Variants in CBY2 observed in about 807,000 individuals in gnomAD.
CBY2 encodes the protein protein chibby homolog 2.
CBY2 carries 23 observed loss-of-function variants against 25.3 expected under a neutral mutation model. That is an observed-to-expected ratio of 0.91 (90% confidence interval 0.65 to 1.29). The LOEUF is 1.29. Ranked by LOEUF, CBY2 falls within the 50% of genes most tolerant of loss-of-function variation. CBY2 has a pLI of 0.00. For synonymous variants in CBY2, 279 were observed against 260.2 expected (o/e 1.07, Z -0.70); for missense variants, 642 against 590.7 (o/e 1.09, Z -0.90).
Position 45,713,209 on chromosome 13 carries a change from C to A in CBY2, c.184C>A (p.Leu62Ile), listed in dbSNP as rs1369204636. 1.9e-6 allele frequency: 3 copies of A among 1,613,004 alleles called. No individual in the cohort carries two copies. Among genetic ancestry groups the A allele is most frequent in the Middle Eastern group, 1.7e-4 (1 of 6,058 alleles). ...QRGTAEPFPR[L>I]HNLYSTPRCA... ...GGGCACAGCCGAACCCTTCCCGAGG[C>A]TCCACAACTTGTACAGCACCCCTCG... is the stretch of plus-strand genomic sequence containing the variant. Residue 62 changes from leucine to isoleucine, a missense_variant, in exon 3 of 3, where the codon CTC (leucine) becomes ATC (isoleucine). Transcript: ENST00000310521. The surrounding 1 kb of genome is among the most constrained non-coding windows in gnomAD (Gnocchi z 5.0).
Position 45,713,256 on chromosome 13 carries a change from GC to G in CBY2, c.235del (p.Arg79GlyfsTer2). On this transcript the variant is annotated frameshift_variant, in exon 3 of 3. Transcript: ENST00000310521. LOFTEE classifies it high-confidence loss of function. The surrounding 1 kb of genome is among the most constrained non-coding windows in gnomAD (Gnocchi z 5.0). ...TPRCAQQAAL[P>X]RLSRRMASQH... is the part of the protein sequence containing the mutation. ...CTCGCTGCGCGCAGCAGGCCGCCCT[GC>G]CCCGGCTGAGCCGCAGGATGGCGAG... is the stretch of plus-strand genomic sequence containing the variant. The G allele has an allele frequency of 1.2e-6, 2 of 1,613,802 alleles. No homozygotes were observed. Among genetic ancestry groups the G allele is most frequent in the Middle Eastern group, 1.6e-4 (1 of 6,062 alleles).
chr13:45,713,017 T>A lies in CBY2; in HGVS notation c.157-165T>A, dbSNP rs1266994945. Among the ~76,000 whole-genome samples, 3 of 152,194 alleles carry A rather than the reference T, an allele frequency of 2.0e-5. No homozygotes were observed. Among genetic ancestry groups the A allele is most frequent in the Non-Finnish European group, 4.4e-5 (3 of 68,032 alleles). On this transcript the variant is annotated intron_variant, in intron 2 of 2. Transcript: ENST00000310521. The surrounding 1 kb of genome is among the most constrained non-coding windows in gnomAD (Gnocchi z 5.0). ...ACAGAACTCACTGGAATGACAAGGA[T>A]AGGCCACATTTCCTTGTGAGGACCC...
At position 45,713,229 on chromosome 13, in the gene CBY2, C is replaced by T. The variant is rs199671311; in HGVS notation, c.204C>T (p.Thr68=). Residue 68 remains threonine, a synonymous_variant, in exon 3 of 3, where the codon ACC becomes ACT. Coordinates refer to ENST00000310521, the MANE Select transcript of CBY2 (RefSeq NM_152719.3). The surrounding 1 kb of genome is among the most constrained non-coding windows in gnomAD (Gnocchi z 5.0). ...CGAGGCTCCACAACTTGTACAGCACCCCTCGCTGCGCGCAGCAGGCCGCCC... is the reference window on the plus strand; with the variant it reads ...CGAGGCTCCACAACTTGTACAGCACTCCTCGCTGCGCGCAGCAGGCCGCCC... ...PFPRLHNLYS[T]PRCAQQAALP... is the part of the protein sequence containing the mutation. The T allele has an allele frequency of 1.2e-4, 194 of 1,613,566 alleles. No individual in the cohort carries two copies. Among genetic ancestry groups the T allele is most frequent in the Non-Finnish European group, 1.5e-4 (176 of 1,179,882 alleles).
intron 2 of CBY2, chr13:45,703,242 A>T: frequency 2.3e-6 from 3 of 1,282,604 alleles, no homozygotes; most frequent in Non-Finnish European, 3.0e-6. Context: ...ATAAGAATGA[A>T]TCCATGAGAA....
At position 45,713,857 on chromosome 13, in the gene CBY2, G is replaced by A; in HGVS notation, c.832G>A (p.Ala278Thr). ...WAQAEDTAAP[A>T]EESKPAPSPH... ...GCAGGCAGAGGACACGGCCGCCCCTGCCGAGGAAAGCAAGCCCGCCCCCTC... is the reference window on the plus strand; with the variant it reads ...GCAGGCAGAGGACACGGCCGCCCCTACCGAGGAAAGCAAGCCCGCCCCCTC... The change falls in exon 3 of 3, where the codon GCC becomes ACC. Residue 278 changes from alanine to threonine, a missense_variant. By Grantham distance (58) the Ala-to-Thr change is moderately conservative (BLOSUM62 0). Transcript: ENST00000310521. The surrounding 1 kb of genome is among the most constrained non-coding windows in gnomAD (Gnocchi z 5.0). 3 of 1,516,548 alleles carry A rather than the reference G, an allele frequency of 2.0e-6. No individual in the cohort carries two copies. Among genetic ancestry groups the A allele is most frequent in the Non-Finnish European group, 2.6e-6 (3 of 1,134,396 alleles). 93.9% of individuals were successfully genotyped at this position (1,516,548 alleles called of 1,614,324 possible).
At position 45,713,983 on chromosome 13, in the gene CBY2, G is replaced by C. The variant is rs763752601; in HGVS notation, c.958G>C (p.Asp320His). Residue 320 changes from aspartate (D) to histidine (H), a missense_variant, in exon 3 of 3, where the codon GAC becomes CAC. By Grantham distance (81) the Asp-to-His change is moderately conservative (BLOSUM62 -1). Coordinates refer to ENST00000310521, the MANE Select transcript of CBY2 (RefSeq NM_152719.3). This position sits in a 1 kb window ranked among gnomAD's most constrained non-coding sequence, Gnocchi z 5.0. ...EPKGPPARQE[D>H]SKELRALRKM... is the part of the protein sequence containing the mutation. ...CAAAGGGCCTCCGGCCCGGCAGGAG[G>C]ACTCCAAGGAGCTGCGCGCCCTGCG... The C allele has an allele frequency of 1.3e-5, 19 of 1,508,814 alleles. No homozygotes were observed. In the South Asian group the frequency reaches 2.3e-4, roughly 19 times the overall value. The allele number at this position is 1,508,814 out of a possible 1,614,324, so 93.5% of individuals were successfully genotyped here. A position where few individuals can be genotyped will look rare whatever the true frequency, so the allele number is the denominator to read the frequency against.
chr13:45,703,695 G>A (rs530098494), intron 2 of CBY2: 22 of 953,490 alleles, frequency 2.3e-5, no homozygotes, highest in African/African-American at 3.3e-5. Context: ...TATGTTCAGC[G>A]GGAGGCAAAA....
rs1448798743 is a variant in CBY2 at position 45,714,043 on chromosome 13, G to A, written c.1018G>A (p.Glu340Lys). 2.7e-6 allele frequency: 4 copies of A among 1,497,938 alleles called. No homozygotes were observed. The highest frequency in any genetic ancestry group is 2.7e-6 in the Non-Finnish European group (3 of 1,122,880). 92.8% of individuals were successfully genotyped at this position (1,497,938 alleles called of 1,614,324 possible). ...MVSNMSGPSG[E>K]EEAKVGPGLP... ...CAGCAACATGTCCGGGCCCTCCGGG[G>A]AGGAGGAGGCCAAGGTGGGCCCGGG... The change falls in exon 3 of 3, where the codon GAG becomes AAG. Residue 340 changes from glutamate to lysine, a missense_variant. Transcript: ENST00000310521.
intron 2 of CBY2, among the ~76,000 whole-genome samples, chr13:45,707,763 G>A (rs1198395793): frequency 6.6e-6 from 1 of 150,436 alleles, no homozygotes; most frequent in East Asian, 1.9e-4. Context: ...AATAAACATG[G>A]AGTTTGGAGT....
chr13:45,714,293 G>T lies in CBY2; in HGVS notation c.1268G>T (p.Arg423Leu), dbSNP rs759482874. Reference protein sequence around the residue: ...VIDTVTEVTARMEMLIEELYA... With the variant: ...VIDTVTEVTALMEMLIEELYA... ...GACACCGTGACCGAGGTCACCGCGC[G>T]CATGGAAATGCTCATCGAGGAGCTC... The change falls in exon 3 of 3, where the codon CGC (arginine) becomes CTC (leucine). Residue 423 changes from arginine to leucine, a missense_variant. Physicochemically the swap from Arg to Leu is moderately radical, Grantham distance 102 (BLOSUM62 -2). Transcript: ENST00000310521. 1.2e-6 allele frequency: 2 copies of T among 1,613,070 alleles called. No individual in the cohort carries two copies. Among genetic ancestry groups the T allele is most frequent in the East Asian group, 2.2e-5 (1 of 44,844 alleles).
At position 45,713,716 on chromosome 13, in the gene CBY2, A is replaced by G. The variant is rs1405501924; in HGVS notation, c.691A>G (p.Lys231Glu). ...CAGCGCGTCCCTGGAGGTGGTGAAG[A>G]AGGACCACGTCGCCCTGCAGGTGCC... The part of the protein sequence containing the change: ...KDSASLEVVK[K>E]DHVALQVPRG... The change falls in exon 3 of 3, where the codon AAG (lysine) becomes GAG (glutamate). Residue 231 changes from lysine (K) to glutamate (E), a missense_variant. Transcript: ENST00000310521. The surrounding 1 kb of genome is among the most constrained non-coding windows in gnomAD (Gnocchi z 5.0). 1.9e-6 allele frequency: 3 copies of G among 1,611,790 alleles called. No homozygotes were observed. Among genetic ancestry groups the G allele is most frequent in the Non-Finnish European group, 2.5e-6 (3 of 1,179,822 alleles).
In CBY2 at chr13:45,704,376, C is replaced by T. The variant is rs145554898; in HGVS notation, c.156+1521C>T. Among the ~76,000 whole-genome samples, 1 of 152,202 alleles carries T rather than the reference C, an allele frequency of 6.6e-6. No homozygotes were observed. Among genetic ancestry groups the T allele is most frequent in the Non-Finnish European group, 1.5e-5 (1 of 68,016 alleles). On this transcript the variant is annotated intron_variant, in intron 2 of 2. Coordinates refer to ENST00000310521, the MANE Select transcript of CBY2 (RefSeq NM_152719.3). The surrounding 1 kb of genome is among the most constrained non-coding windows in gnomAD (Gnocchi z 4.1). ...GTGGGTGAAGAATGAGAGGATATCTCCTGTCTGGGCACGTGTACCTCACAA... is the reference window on the plus strand; with the variant it reads ...GTGGGTGAAGAATGAGAGGATATCTTCTGTCTGGGCACGTGTACCTCACAA...
At chr13:45,706,200 C>A (rs1452147224) in intron 2 of CBY2, among the ~76,000 whole-genome samples, 1 of 152,208 alleles carries the variant, frequency 6.6e-6, no homozygotes, top group African/African-American at 2.4e-5. Context: ...GTCCCCTTCC[C>A]CCATGTTCTT....
rs8002056 is a variant in CBY2 at position 45,704,850 on chromosome 13, C to A, written c.156+1995C>A. Among the ~76,000 whole-genome samples, 1 of 152,208 alleles carries A rather than the reference C, an allele frequency of 6.6e-6. No homozygotes were observed. The highest frequency in any genetic ancestry group is 2.4e-5 in the African/African-American group (1 of 41,452). Reference sequence around the variant, plus strand: ...GCCAGTAAGCTGGGCCATGCTGCATCTTAGCTCCATGGTTCTTCTCTTGCT... The same window carrying A: ...GCCAGTAAGCTGGGCCATGCTGCATATTAGCTCCATGGTTCTTCTCTTGCT... On this transcript the variant is annotated intron_variant, in intron 2 of 2. Transcript: ENST00000310521. This position sits in a 1 kb window ranked among gnomAD's most constrained non-coding sequence, Gnocchi z 4.1.
In CBY2 at chr13:45,710,396, G is replaced by A. The variant is rs9316149; in HGVS notation, c.157-2786G>A. On this transcript the variant is annotated intron_variant, in intron 2 of 2. Transcript: ENST00000310521. ...AAATTAGCCAGGCGTGGTGGCACGC[G>A]CCTGTAGTCCCAGCTACTCTGGAGG... Among the ~76,000 whole-genome samples, 548 of 152,220 alleles carry A rather than the reference G, an allele frequency of 3.6e-3. 2 individuals carry two copies. Among genetic ancestry groups the A allele is most frequent in the Non-Finnish European group, 5.6e-3 (379 of 68,014 alleles).
At chr13:45,712,831 T>A (rs537255681) in intron 2 of CBY2, among the ~76,000 whole-genome samples, 1 of 152,266 alleles carries the variant, frequency 6.6e-6, no homozygotes, top group Non-Finnish European at 1.5e-5. Context: ...GCTGCTGACG[T>A]GAATTTGATG....
At chr13:45,710,997 T>A (rs1950267333) in intron 2 of CBY2, among the ~76,000 whole-genome samples, 1 of 152,218 alleles carries the variant, frequency 6.6e-6, no homozygotes, top group Admixed American at 6.5e-5. Context: ...GTTTTTTATT[T>A]TCTCTATCTG....
chr13:45,709,720 G>T (rs769335821), intron 2 of CBY2, among the ~76,000 whole-genome samples: 2 of 152,194 alleles, frequency 1.3e-5, no homozygotes, highest in South Asian at 2.1e-4. Context: ...TTGATACTTG[G>T]TGAAGCTGAG....
Position 45,714,316 on chromosome 13 carries a change from C to T in CBY2, c.1291C>T (p.Leu431Phe), listed in dbSNP as rs947784242. 1 of 1,612,860 alleles carries T rather than the reference C, an allele frequency of 6.2e-7. No individual in the cohort carries two copies. ...TARMEMLIEELYAFMPARSQD... is the reference protein window; with the variant it reads ...TARMEMLIEEFYAFMPARSQD... ...GCGCATGGAAATGCTCATCGAGGAG[C>T]TCTACGCCTTCATGCCGGCCAGGAG... Residue 431 changes from leucine to phenylalanine, a missense_variant, in exon 3 of 3, where the codon CTC becomes TTC. Transcript: ENST00000310521.
Sources: gnomAD v4.1 joint callset for allele counts (sites outside exome capture counted in the v4.1 genomes callset) on GRCh38, gnomAD v4.1.1 for gene constraint, Gnocchi (gnomAD v3.1) non-coding constraint, MANE v1.5 for transcripts, NCBI Gene and HGNC (gene_info 2026-07-23, HGNC 2026-07-21) for gene names.